Variants in CFLAR observed in about 807,000 individuals in gnomAD.
The protein encoded by CFLAR is CASP8 and FADD like apoptosis regulator, also known as CASP8 and FADD-like apoptosis regulator.
Under a neutral mutation model 51.1 loss-of-function variants are expected in CFLAR, and 14 were observed. That is an observed-to-expected ratio of 0.27 (90% CI 0.18 to 0.43). CFLAR has a LOEUF of 0.43. Among genes scored for constraint, CFLAR ranks in the 20% least tolerant of loss-of-function variants. The pLI, the probability that CFLAR is intolerant of heterozygous loss-of-function variation, is 1.00. For synonymous variants in CFLAR, 210 were observed against 211.6 expected (o/e 0.99, Z 0.06); for missense variants, 390 against 566.5 (o/e 0.69, Z 3.16).
intron 6 of CFLAR, chr2:201,145,807 C>T: frequency 5.7e-6 from 1 of 174,696 alleles, no homozygotes; most frequent in Non-Finnish European, 1.2e-5. Flanking sequence ...AAGTTCTTGT[C>T]TTACAGCCTA....
intron 9 of CFLAR, among the ~76,000 whole-genome samples, chr2:201,161,611 C>T (rs1309473918): frequency 2.6e-5 from 4 of 151,880 alleles, no homozygotes; most frequent in Middle Eastern, 6.8e-3. Flanking sequence ...GACTGGGTTT[C>T]ACCATGTTGA....
At chr2:201,163,652 G>T in intron 9 of CFLAR, 183 bp from the exon 10 acceptor site, 1 of 1,397,202 alleles carries the variant, frequency 7.2e-7, no homozygotes, top group Non-Finnish European at 9.3e-7. Flanking sequence ...TGAGGGAGGG[G>T]ATGGTGGCCA....
intron 1 of CFLAR, among the ~76,000 whole-genome samples, chr2:201,127,250 G>A (rs1298731058): frequency 2.6e-5 from 4 of 152,216 alleles, no homozygotes; most frequent in African/African-American, 7.2e-5. Flanking sequence ...CTTCATCTGA[G>A]TAAGGTGAAA....
At chr2:201,163,533 A>G (rs1274599324) in intron 9 of CFLAR, 7 of 1,177,900 alleles carry the variant, frequency 5.9e-6, no homozygotes, top group South Asian at 2.2e-5. Flanking sequence ...TAGATACTCC[A>G]TGGGCCGGTG....
intron 1 of CFLAR, among the ~76,000 whole-genome samples, chr2:201,121,932 C>G (rs1008163416): frequency 6.6e-6 from 1 of 152,182 alleles, no homozygotes; most frequent in Non-Finnish European, 1.5e-5. Context: ...TGCCTGTTTT[C>G]CTGACTGCTG....
At chr2:201,145,910 G>A (rs187149622) in intron 6 of CFLAR, among the ~76,000 whole-genome samples, 1 of 152,170 alleles carries the variant, frequency 6.6e-6, no homozygotes, top group African/African-American at 2.4e-5. Flanking sequence ...ACCCGCATGA[G>A]CTGTTTTCTC....
rs1943414906 is a variant in CFLAR at position 201,165,173 on chromosome 2, GTATATCTTTC to G, written c.*1202_*1211del. On this transcript the variant is annotated 3_prime_UTR_variant, in exon 10 of 10. Transcript: ENST00000309955. ...CAAATTGCATTTTACAGCTAGTCAA[GTATATCTTTC>G]TCTGATTTGATAGTGTGACCTAAAA... 1 of 151,886 alleles carries G rather than the reference GTATATCTTTC, an allele frequency of 6.6e-6. No homozygotes were observed. Among genetic ancestry groups the G allele is most frequent in the East Asian group, 1.9e-4 (1 of 5,194 alleles). The allele number at this position is 151,886 out of a possible 1,614,324, so 9.4% of individuals were successfully genotyped here.
chr2:201,133,241 G>A, intron 3 of CFLAR, 107 bp downstream of exon 3: 1 of 728,822 alleles, frequency 1.4e-6, no homozygotes, highest in Middle Eastern at 3.8e-4. Context: ...CACTATAGTG[G>A]GAGTCAGACA....
chr2:201,117,081 T>A (rs1337441593), intron 1 of CFLAR: 2 of 152,186 alleles, frequency 1.3e-5, no homozygotes, highest in Admixed American at 6.5e-5. Context: ...CCAACAATTG[T>A]GTATGCGCTC....
At position 201,164,062 on chromosome 2, in the gene CFLAR, T is replaced by G; in HGVS notation, c.*89T>G. ...GGGCAGATCACTTCAGGTCAGGAGT[T>G]CGAGACCAGCCTGGCCAACATGGTA... is the stretch of plus-strand genomic sequence containing the variant. On this transcript the variant is annotated 3_prime_UTR_variant, in exon 10 of 10. Coordinates refer to ENST00000309955, the MANE Select transcript of CFLAR (RefSeq NM_003879.7). 5 of 1,075,630 alleles carry G rather than the reference T, an allele frequency of 4.6e-6. No homozygotes were observed. The highest frequency in any genetic ancestry group is 6.6e-6 in the Non-Finnish European group (5 of 753,680). 66.6% of individuals were successfully genotyped at this position (1,075,630 alleles called of 1,614,324 possible). A position where few individuals can be genotyped will look rare whatever the true frequency, so the allele number is the denominator to read the frequency against.
At chr2:201,163,554 C>G in intron 9 of CFLAR, 1 of 1,212,012 alleles carries the variant, frequency 8.3e-7, no homozygotes, top group Non-Finnish European at 1.0e-6. Context: ...GTATTACTGG[C>G]CTTTTGAGCC....
rs907649457 is a variant in CFLAR at position 201,161,492 on chromosome 2, C to T, written c.1304+550C>T. Among the ~76,000 whole-genome samples the T allele has an allele frequency of 2.0e-5, 3 of 151,112 alleles. No individual in the cohort carries two copies. In the South Asian group the frequency reaches 6.2e-4, roughly 31 times the overall value. On this transcript the variant is annotated intron_variant, in intron 9 of 9. Transcript: ENST00000309955. ...GCATTGGCGCAATCTTGGCTCACTG[C>T]AACCTCCACCTCCCAGGTTCAAGCA...
Position 201,160,487 on chromosome 2 carries a change from T to C in CFLAR, c.849T>C (p.His283=). 1 of 1,613,952 alleles carries C rather than the reference T, an allele frequency of 6.2e-7. No homozygotes were observed. The highest frequency in any genetic ancestry group is 8.5e-7 in the Non-Finnish European group (1 of 1,180,004). Residue 283 remains histidine, a synonymous_variant, in exon 9 of 10, where the codon CAT becomes CAC. Transcript: ENST00000309955. ...SLGYEVQKFL[H]LSMHGISQIL... is the part of the protein sequence containing the mutation. The stretch of plus-strand genomic sequence containing the variant: ...GCTATGAAGTCCAGAAATTCTTGCA[T>C]CTCAGTATGCATGGTATATCCCAGA...
chr2:201,158,561 G>A (rs1459470026), intron 8 of CFLAR, among the ~76,000 whole-genome samples: 1 of 152,088 alleles, frequency 6.6e-6, no homozygotes, highest in Non-Finnish European at 1.5e-5. Context: ...AGAGACGTGT[G>A]AGTCCTTTGG....
intron 9 of CFLAR, chr2:201,162,753 C>G (rs1381168201): frequency 7.9e-6 from 3 of 381,336 alleles, no homozygotes; most frequent in Admixed American, 4.2e-5. Context: ...AAGACACTCA[C>G]AGCCTGCCAT....
At chr2:201,137,805 G>T in intron 4 of CFLAR, 1 of 1,192,312 alleles carries the variant, frequency 8.4e-7, no homozygotes, top group Non-Finnish European at 1.2e-6. Context: ...CTTCTCCATG[G>T]CATCCAGTGA....
intron 6 of CFLAR, 74 bp downstream of exon 6, chr2:201,145,506 A>G: frequency 4.1e-6 from 4 of 983,906 alleles, no homozygotes; most frequent in Non-Finnish European, 6.4e-6. Flanking sequence ...GCATTTTTAG[A>G]GTTGGTCATT....
intron 1 of CFLAR, among the ~76,000 whole-genome samples, chr2:201,117,364 C>T (rs1381591995): frequency 6.6e-6 from 1 of 152,122 alleles, no homozygotes; most frequent in Non-Finnish European, 1.5e-5. Context: ...GACAGAAGGC[C>T]ATGTTCTTTT....
chr2:201,156,435 A>C (rs1942196643), intron 8 of CFLAR, among the ~76,000 whole-genome samples: 2 of 152,194 alleles, frequency 1.3e-5, no homozygotes. Flanking sequence ...GGGCTTATTA[A>C]AGGTACTCAA....
Sources: allele counts gnomAD v4.1 joint callset (sites outside exome capture counted in the v4.1 genomes callset), GRCh38; gene constraint gnomAD v4.1.1; transcripts MANE v1.5; gene names NCBI Gene and HGNC (gene_info 2026-07-23, HGNC 2026-07-21).